KCNQ1: variants seen among roughly 807,000 people sequenced by gnomAD.
The protein encoded by KCNQ1 is potassium voltage-gated channel subfamily Q member 1, also known as potassium voltage-gated channel subfamily KQT member 1.
KCNQ1 carries 49 observed loss-of-function variants against 72.4 expected under a neutral mutation model. The ratio of observed to expected loss-of-function variants is 0.68; its 90% confidence interval spans 0.54 to 0.86. KCNQ1 has a LOEUF of 0.86. Ranked by LOEUF, KCNQ1 falls within the 40% of genes least tolerant of loss-of-function variation. KCNQ1 has a pLI of 0.00. For synonymous variants in KCNQ1, 450 were observed against 412.6 expected (o/e 1.09, Z -1.10); for missense variants, 790 against 945.1 (o/e 0.84, Z 2.15).
intron 15 of KCNQ1, among the ~76,000 whole-genome samples, chr11:2,837,758 C>A (rs1054616510): frequency 2.6e-5 from 4 of 152,222 alleles, no homozygotes; most frequent in African/African-American, 9.6e-5. Flanking sequence ...CTCCAGGAGG[C>A]AGGGCCAGCC....
Position 2,644,254 on chromosome 11 carries a change from A to G in KCNQ1, c.1394-17707A>G, listed in dbSNP as rs147391446. ...TCACCTTATGGCATCCTATAGTCAC[A>G]TAGCCTTTGTTCATTCTTTTCTATT... On this transcript the variant is annotated intron_variant, in intron 10 of 15. Transcript: ENST00000155840. The G allele has an allele frequency of 2.5e-3, 981 of 398,474 alleles. 4 individuals are homozygous for G. The highest frequency in any genetic ancestry group is 0.018 in the African/African-American group (878 of 48,724). 24.7% of individuals were successfully genotyped at this position (398,474 alleles called of 1,614,324 possible).
At chr11:2,812,162 C>A (rs1367394227) in intron 15 of KCNQ1, among the ~76,000 whole-genome samples, 1 of 152,198 alleles carries the variant, frequency 6.6e-6, no homozygotes, top group African/African-American at 2.4e-5. Flanking sequence ...ACGGCTGGTC[C>A]CCACACAAAC....
Position 2,784,574 on chromosome 11 carries a change from T to G in KCNQ1, c.1794+6537T>G, listed in dbSNP as rs1846879293. Among the ~76,000 whole-genome samples, 1 of 151,984 alleles carries G rather than the reference T, an allele frequency of 6.6e-6. No homozygotes were observed. The highest frequency in any genetic ancestry group is 1.5e-5 in the Non-Finnish European group (1 of 67,826). ...TGTCAATTAAAAAAGAAGGGCCTGC[T>G]GGGATTTTGATAGGCATTGTGTTGA... On this transcript the variant is annotated intron_variant, in intron 15 of 15. Transcript: ENST00000155840. This position sits in a 1 kb window ranked among gnomAD's most constrained non-coding sequence, Gnocchi z 4.7.
In KCNQ1 at chr11:2,608,391, T is replaced by G; in HGVS notation, c.1393+19537T>G. 2.5e-6 allele frequency: 1 copy of G among 398,644 alleles called. No individual in the cohort carries two copies. The highest frequency in any genetic ancestry group is 4.4e-6 in the Non-Finnish European group (1 of 226,056). 24.7% of individuals were successfully genotyped at this position (398,644 alleles called of 1,614,324 possible). A position where few individuals can be genotyped will look rare whatever the true frequency, so the allele number is the denominator to read the frequency against. ...TCAATTTCATCTAAGTTTTATAATT[T>G]ATTGGCACAAAATTGTTCATAGTGT... On this transcript the variant is annotated intron_variant, in intron 10 of 15. Transcript: ENST00000155840. This position sits in a 1 kb window ranked among gnomAD's most constrained non-coding sequence, Gnocchi z 4.6.
At position 2,687,067 on chromosome 11, in the gene KCNQ1, G is replaced by C; in HGVS notation, c.1514+24986G>C. On this transcript the variant is annotated intron_variant, in intron 11 of 15. Transcript: ENST00000155840. The surrounding 1 kb of genome is among the most constrained non-coding windows in gnomAD (Gnocchi z 5.0). ...GCTCTGGGGGACAAGGACCCACAAA[G>C]TGATGCAAGATATCCTGAGTTGGGT... is the stretch of plus-strand genomic sequence containing the variant. 2.5e-6 allele frequency: 1 copy of C among 398,658 alleles called. No homozygotes were observed. Among genetic ancestry groups the C allele is most frequent in the Non-Finnish European group, 4.4e-6 (1 of 226,082 alleles). 24.7% of individuals were successfully genotyped at this position (398,658 alleles called of 1,614,324 possible).
At position 2,612,583 on chromosome 11, in the gene KCNQ1, A is replaced by G. The variant is rs1307380747; in HGVS notation, c.1393+23729A>G. 3 of 398,324 alleles carry G rather than the reference A, an allele frequency of 7.5e-6. No homozygotes were observed. The highest frequency in any genetic ancestry group is 4.1e-5 in the African/African-American group (2 of 48,562). 24.7% of individuals were successfully genotyped at this position (398,324 alleles called of 1,614,324 possible). A position where few individuals can be genotyped will look rare whatever the true frequency, so the allele number is the denominator to read the frequency against. ...TATATTTCACAACTACAGAATTTCT[A>G]TTTGGTTTCTAATTTCTATCTCTAT... On this transcript the variant is annotated intron_variant, in intron 10 of 15. Transcript: ENST00000155840. The surrounding 1 kb of genome is among the most constrained non-coding windows in gnomAD (Gnocchi z 5.5).
chr11:2,581,742 C>T (rs1181235773), intron 6 of KCNQ1, among the ~76,000 whole-genome samples: 3 of 152,248 alleles, frequency 2.0e-5, no homozygotes, highest in African/African-American at 7.2e-5. Context: ...CAAGCACAGA[C>T]ACGTGCACGT....
chr11:2,823,676 C>T (rs1847784569), intron 15 of KCNQ1, among the ~76,000 whole-genome samples: 1 of 152,186 alleles, frequency 6.6e-6, no homozygotes, highest in Admixed American at 6.5e-5. Context: ...AAATCTGCAA[C>T]GGAGCTTCCA....
chr11:2,774,225 T>C (rs1846652696), intron 12 of KCNQ1, among the ~76,000 whole-genome samples: 1 of 152,212 alleles, frequency 6.6e-6, no homozygotes, highest in South Asian at 2.1e-4. Context: ...GAGGATGTTA[T>C]TACTAGCCTG....
intron 10 of KCNQ1, chr11:2,631,696 A>AGGT (rs1318924542): frequency 1.0e-5 from 4 of 398,562 alleles, no homozygotes; most frequent in Non-Finnish European, 8.8e-6. Flanking sequence ...AGTGTTAAGT[A>AGGT]GGTAGGGTGC....
chr11:2,616,942 G>A (rs1849075087), intron 10 of KCNQ1: 1 of 394,254 alleles, frequency 2.5e-6, no homozygotes, highest in Non-Finnish European at 4.4e-6. Flanking sequence ...GCTTCTGTCT[G>A]GCTGTACATT....
chr11:2,467,543 C>T (rs1041285294), intron 1 of KCNQ1, among the ~76,000 whole-genome samples: 7 of 152,186 alleles, frequency 4.6e-5, no homozygotes, highest in African/African-American at 1.7e-4. Context: ...AACCACAATC[C>T]GAGTCACATG....
chr11:2,760,493 G>A (rs1347900538), intron 11 of KCNQ1, among the ~76,000 whole-genome samples: 2 of 152,188 alleles, frequency 1.3e-5, no homozygotes, highest in African/African-American at 4.8e-5. Flanking sequence ...CTGACCCACG[G>A]CCAAGCCCCC....
rs908676772 is a variant in KCNQ1 at position 2,515,294 on chromosome 11, C to T, written c.387-12634C>T. Among the ~76,000 whole-genome samples, 3 of 152,172 alleles carry T rather than the reference C, an allele frequency of 2.0e-5. No individual in the cohort carries two copies. Among genetic ancestry groups the T allele is most frequent in the Admixed American group, 1.3e-4 (2 of 15,282 alleles). On this transcript the variant is annotated intron_variant, in intron 1 of 15. Coordinates refer to ENST00000155840, the MANE Select transcript of KCNQ1 (RefSeq NM_000218.3). This position sits in a 1 kb window ranked among gnomAD's most constrained non-coding sequence, Gnocchi z 4.7. ...CGTGCCGTGTTTGGTTTTCTGTTTCCGGTAGTTCACTTAGGATCATGGTCT... is the reference window on the plus strand; with the variant it reads ...CGTGCCGTGTTTGGTTTTCTGTTTCTGGTAGTTCACTTAGGATCATGGTCT...
intron 15 of KCNQ1, among the ~76,000 whole-genome samples, chr11:2,797,694 G>A (rs748233563): frequency 3.9e-5 from 6 of 152,036 alleles, no homozygotes; most frequent in Non-Finnish European, 7.4e-5. Flanking sequence ...CCCGGGCCCC[G>A]TACTTCCTCC....
Position 2,599,481 on chromosome 11 carries a change from A to G in KCNQ1, c.1393+10627A>G, listed in dbSNP as rs992540943. Among the ~76,000 whole-genome samples the G allele has an allele frequency of 6.6e-6, 1 of 152,204 alleles. No homozygotes were observed. The highest frequency in any genetic ancestry group is 2.4e-5 in the African/African-American group (1 of 41,444). On this transcript the variant is annotated intron_variant, in intron 10 of 15. Transcript: ENST00000155840. The surrounding 1 kb of genome is among the most constrained non-coding windows in gnomAD (Gnocchi z 4.7). ...TAAAATTCATTTTGTTCAAGAACAT[A>G]GGTTCTTGAACCTGTTTCTATGTAC...
rs1847808084 is a variant in KCNQ1 at position 2,824,903 on chromosome 11, G to C, written c.1795-22864G>C. ...GACACGAGTTCCCCTGCCGGGCACA[G>C]AGCAGGTTCCCAGTGAGTTCTGGGG... On this transcript the variant is annotated intron_variant, in intron 15 of 15. Coordinates refer to ENST00000155840, the MANE Select transcript of KCNQ1 (RefSeq NM_000218.3). The surrounding 1 kb of genome is among the most constrained non-coding windows in gnomAD (Gnocchi z 5.9). Among the ~76,000 whole-genome samples, 1 of 152,254 alleles carries C rather than the reference G, an allele frequency of 6.6e-6. No individual in the cohort carries two copies. The highest frequency in any genetic ancestry group is 1.5e-5 in the Non-Finnish European group (1 of 68,044).
chr11:2,623,736 G>A lies in KCNQ1; in HGVS notation c.1393+34882G>A. 1 of 398,470 alleles carries A rather than the reference G, an allele frequency of 2.5e-6. No homozygotes were observed. Among genetic ancestry groups the A allele is most frequent in the Non-Finnish European group, 4.4e-6 (1 of 226,030 alleles). The allele number at this position is 398,470 out of a possible 1,614,324, so 24.7% of individuals were successfully genotyped here. A position where few individuals can be genotyped will look rare whatever the true frequency, so the allele number is the denominator to read the frequency against. ...AAATAAAGCTTCTGTAAACATCTCT[G>A]TGCAGATTTTTATGTGAATATAAGT... is the stretch of plus-strand genomic sequence containing the variant. On this transcript the variant is annotated intron_variant, in intron 10 of 15. Transcript: ENST00000155840. This position sits in a 1 kb window ranked among gnomAD's most constrained non-coding sequence, Gnocchi z 5.2.
intron 15 of KCNQ1, among the ~76,000 whole-genome samples, chr11:2,843,011 C>G (rs1021868771): frequency 5.9e-5 from 9 of 152,244 alleles, no homozygotes; most frequent in Non-Finnish European, 1.2e-4. Context: ...CACACACACG[C>G]CTGCCTGCAC....
Sources: allele counts gnomAD v4.1 joint callset (sites outside exome capture counted in the v4.1 genomes callset), GRCh38; gene constraint gnomAD v4.1.1; non-coding constraint Gnocchi (gnomAD v3.1); transcripts MANE v1.5; gene names NCBI Gene and HGNC (gene_info 2026-07-23, HGNC 2026-07-21).